Variants in STON2 observed in about 807,000 individuals in gnomAD.
STON2 encodes stonin 2.
Under a neutral mutation model 65.7 loss-of-function variants are expected in STON2, and 29 were observed. The observed-to-expected ratio is 0.44, with a 90% confidence interval of 0.33 to 0.60. The LOEUF (loss-of-function observed/expected upper bound fraction) is 0.60, where lower values mean the gene tolerates loss of function less well. Ranked by LOEUF, STON2 falls within the 20% of genes least tolerant of loss-of-function variation. STON2 has a pLI of 0.03. For synonymous variants in STON2, 404 were observed against 414.2 expected (o/e 0.98, Z 0.30); for missense variants, 1,054 against 1,118.1 (o/e 0.94, Z 0.82).
chr14:81,326,914 T>G (rs777524519), intron 4 of STON2, among the ~76,000 whole-genome samples: 2 of 152,214 alleles, frequency 1.3e-5, no homozygotes, highest in Non-Finnish European at 2.9e-5. Flanking sequence ...CCTCCTGCAC[T>G]CCTGACAATT....
chr14:81,268,147 T>C lies in STON2; in HGVS notation c.*267A>G, dbSNP rs1327018062. The C allele has an allele frequency of 2.8e-6, 3 of 1,085,382 alleles. No homozygotes were observed. The highest frequency in any genetic ancestry group is 3.4e-6 in the Non-Finnish European group (3 of 889,486). 67.2% of individuals were successfully genotyped at this position (1,085,382 alleles called of 1,614,324 possible). A position where few individuals can be genotyped will look rare whatever the true frequency, so the allele number is the denominator to read the frequency against. On this transcript the variant is annotated 3_prime_UTR_variant, in exon 8 of 8. Transcript: ENST00000614646. ...GCAGAGACAAGACAAGGAGGCTTAA[T>C]TATACAGTAAGCTCCAACAGTCAGG...
intron 4 of STON2, among the ~76,000 whole-genome samples, chr14:81,330,359 G>C (rs1011669634): frequency 3.3e-5 from 5 of 152,210 alleles, no homozygotes; most frequent in Admixed American, 2.0e-4. Context: ...CAGGCACTGA[G>C]CTGGACACTG....
chr14:81,359,420 C>T (rs560942619), intron 4 of STON2, among the ~76,000 whole-genome samples: 1 of 152,182 alleles, frequency 6.6e-6, no homozygotes, highest in East Asian at 1.9e-4. Flanking sequence ...TGAACACCTA[C>T]ATCAAAAAAT....
chr14:81,400,114 G>A (rs3853419), intron 1 of STON2, among the ~76,000 whole-genome samples, 165 bp downstream of exon 1: 26,802 of 151,962 alleles, frequency 0.18, 3,044 homozygotes, highest in East Asian at 0.43. Flanking sequence ...TGAAATGTCC[G>A]GGAAACTCCC....
At chr14:81,427,688 A>AT (rs1289774112) in intron 1 of STON2, among the ~76,000 whole-genome samples, 2 of 152,026 alleles carry the variant, frequency 1.3e-5, no homozygotes, top group Non-Finnish European at 2.9e-5. Context: ...TTTAGAGATC[A>AT]TAACAAAAAG....
intron 3 of STON2, among the ~76,000 whole-genome samples, chr14:81,377,451 TTATGGATA>T (rs1445066098): frequency 6.6e-6 from 1 of 152,230 alleles, no homozygotes; most frequent in Non-Finnish European, 1.5e-5. Context: ...TTCTTAGCTA[TTATGGATA>T]AAGCTGCTAT....
chr14:81,381,728 T>C (rs1427910791), intron 3 of STON2, among the ~76,000 whole-genome samples: 6 of 152,198 alleles, frequency 3.9e-5, no homozygotes, highest in Non-Finnish European at 8.8e-5. Flanking sequence ...GCTGGTAGGA[T>C]AGTAACTAGA....
intron 1 of STON2, among the ~76,000 whole-genome samples, chr14:81,428,190 C>T (rs1452219241): frequency 6.6e-6 from 1 of 152,180 alleles, no homozygotes; most frequent in Non-Finnish European, 1.5e-5. Flanking sequence ...GTTTTCCACC[C>T]TTCAACTGTT....
rs1284579020 is a variant in STON2 at position 81,324,087 on chromosome 14, C to T, written c.672G>A (p.Ser224=). Among the ~76,000 whole-genome samples the T allele has an allele frequency of 6.6e-6, 1 of 152,162 alleles. No individual in the cohort carries two copies. Among genetic ancestry groups the T allele is most frequent in the Non-Finnish European group, 1.5e-5 (1 of 68,020 alleles). The change falls in exon 5 of 8, where the codon TCG becomes TCA. Residue 224 remains serine, a synonymous_variant. Coordinates refer to ENST00000614646, the MANE Select transcript of STON2 (RefSeq NM_001394390.1). ...TSTRTHRLDP[S]PPSPQPKRSQ... is the part of the protein sequence containing the mutation. ...TCCTCTTGGGCTGGGGTGAGGGTGG[C>T]GAGGGGTCCAGGCGGTGGGTGCGGG...
In STON2 at chr14:81,269,767, G is replaced by A. The variant is rs1003053827; in HGVS notation, c.2784+903C>T. On this transcript the variant is annotated intron_variant, in intron 7 of 7. Transcript: ENST00000614646. ...TCTTTAACAAACTCCTTTTCCAATC[G>A]TTGGCATTTAATCTCCTATTGAATT... 28 of 985,106 alleles carry A rather than the reference G, an allele frequency of 2.8e-5. No homozygotes were observed. In the East Asian group the frequency reaches 4.5e-4, roughly 16 times the overall value. The allele number at this position is 985,106 out of a possible 1,614,324, so 61.0% of individuals were successfully genotyped here.
At chr14:81,315,406 T>C (rs1470755063) in intron 5 of STON2, among the ~76,000 whole-genome samples, 2 of 152,272 alleles carry the variant, frequency 1.3e-5, no homozygotes, top group African/African-American at 4.8e-5. Context: ...TGCTTTGTGC[T>C]GTCTCTTTGT....
At chr14:81,309,008 T>C (rs996086707) in intron 5 of STON2, among the ~76,000 whole-genome samples, 1 of 150,654 alleles carries the variant, frequency 6.6e-6, no homozygotes, top group Non-Finnish European at 1.5e-5. Flanking sequence ...AGCAACTAGA[T>C]TAACCTTTCC....
Position 81,265,854 on chromosome 14 carries a change from C to T in STON2, c.*2560G>A. The T allele has an allele frequency of 3.0e-6, 3 of 985,280 alleles. No individual in the cohort carries two copies. Among genetic ancestry groups the T allele is most frequent in the Non-Finnish European group, 3.6e-6 (3 of 829,902 alleles). The allele number at this position is 985,280 out of a possible 1,614,324, so 61.0% of individuals were successfully genotyped here. On this transcript the variant is annotated 3_prime_UTR_variant, in exon 8 of 8. Coordinates refer to ENST00000614646, the MANE Select transcript of STON2 (RefSeq NM_001394390.1). Reference sequence around the variant, plus strand: ...TCCAACAAGCAATCCACATGTTATGCTAGCAGATGAGGCAGAGATCTTGAC... The same window carrying T: ...TCCAACAAGCAATCCACATGTTATGTTAGCAGATGAGGCAGAGATCTTGAC...
intron 3 of STON2, chr14:81,395,660 A>C (rs916708090): frequency 7.8e-6 from 4 of 515,312 alleles, no homozygotes; most frequent in Non-Finnish European, 1.4e-5. Context: ...AGCCAGGGAC[A>C]AGAGTAAAGG....
At chr14:81,387,160 G>T (rs1899850142) in intron 3 of STON2, among the ~76,000 whole-genome samples, 1 of 142,010 alleles carries the variant, frequency 7.0e-6, no homozygotes, top group African/African-American at 2.8e-5. Context: ...ACACCAGAAG[G>T]TTGTTTTTTT....
intron 5 of STON2, among the ~76,000 whole-genome samples, chr14:81,282,202 T>TAC (rs1895152363): frequency 6.6e-6 from 1 of 152,190 alleles, no homozygotes; most frequent in Admixed American, 6.5e-5. Context: ...GGAGACTAGT[T>TAC]ACATCAGTGG....
intron 5 of STON2, chr14:81,306,562 A>G (rs1566900071): frequency 6.6e-6 from 1 of 151,998 alleles, no homozygotes; most frequent in African/African-American, 2.4e-5. Flanking sequence ...GATGTTCTCT[A>G]TTTTAATATA....
chr14:81,351,013 A>C (rs1181077853), intron 4 of STON2, among the ~76,000 whole-genome samples: 3 of 152,184 alleles, frequency 2.0e-5, no homozygotes, highest in Non-Finnish European at 4.4e-5. Context: ...AGCTGGAGAC[A>C]CCATCTTTCA....
At chr14:81,356,320 G>C (rs1898229233) in intron 4 of STON2, among the ~76,000 whole-genome samples, 1 of 152,148 alleles carries the variant, frequency 6.6e-6, no homozygotes, top group Non-Finnish European at 1.5e-5. Context: ...TTATTGATTT[G>C]CGTATATTGA....
Sources: gnomAD v4.1 joint callset for allele counts (sites outside exome capture counted in the v4.1 genomes callset) on GRCh38, gnomAD v4.1.1 for gene constraint, MANE v1.5 for transcripts, NCBI Gene and HGNC (gene_info 2026-07-23, HGNC 2026-07-21) for gene names.